NRG3: variants seen among roughly 807,000 people sequenced by gnomAD.
The protein encoded by NRG3 is pro-neuregulin-3, membrane-bound isoform.
A neutral mutation model predicts 66.9 loss-of-function variants in NRG3; 31 were observed. The observed-to-expected ratio is 0.46, with a 90% confidence interval of 0.35 to 0.63. The LOEUF (loss-of-function observed/expected upper bound fraction) is 0.63. Among genes scored for constraint, NRG3 ranks in the 20% least tolerant of loss-of-function variants. The pLI is 0.00. For synonymous variants in NRG3, 393 were observed against 359.4 expected (o/e 1.09, Z -1.06); for missense variants, 910 against 878.9 (o/e 1.04, Z -0.45).
chr10:82,259,242 T>A (rs1167535422), intron 1 of NRG3, among the ~76,000 whole-genome samples: 1 of 152,144 alleles, frequency 6.6e-6, no homozygotes, highest in Non-Finnish European at 1.5e-5. Flanking sequence ...CATTTAAAAC[T>A]GAAAATCAAT....
At chr10:82,729,710 T>G (rs1337672884) in intron 2 of NRG3, among the ~76,000 whole-genome samples, 1 of 152,156 alleles carries the variant, frequency 6.6e-6, no homozygotes, top group Non-Finnish European at 1.5e-5. Context: ...CAAGAACAAA[T>G]GTGTCATAAT....
rs572750667 is a variant in NRG3, at chr10:81,979,183, G to A, written c.823+103020G>A. Among the ~76,000 whole-genome samples, 782 of 96,270 alleles carry A rather than the reference G, an allele frequency of 8.1e-3. 6 individuals carry two copies. Among genetic ancestry groups the A allele is most frequent in the African/African-American group, 0.04 (721 of 18,150 alleles). The allele number at this position is 96,270 out of a possible 152,430, so 63.2% of individuals were successfully genotyped here. A position where few individuals can be genotyped will look rare whatever the true frequency, so the allele number is the denominator to read the frequency against. On this transcript the variant is annotated intron_variant, in intron 1 of 8. Transcript: ENST00000372141. The stretch of plus-strand genomic sequence containing the variant: ...CAGCCTGGCGACAGGGCGGGACTCC[G>A]TCTCAAAAAAAAAAAAAAAAAAAAA...
At chr10:82,399,552 C>A (rs912948205) in intron 2 of NRG3, among the ~76,000 whole-genome samples, 1 of 152,192 alleles carries the variant, frequency 6.6e-6, no homozygotes, top group African/African-American at 2.4e-5. Flanking sequence ...TGGCCTGGTT[C>A]TGGTGAGGGT....
chr10:81,957,412 C>T (rs1051878212), intron 1 of NRG3, among the ~76,000 whole-genome samples: 3 of 152,128 alleles, frequency 2.0e-5, no homozygotes, highest in African/African-American at 7.2e-5. Context: ...CATCATGACT[C>T]TGCCCCCCAT....
chr10:82,325,109 T>A (rs2135192755), intron 1 of NRG3, among the ~76,000 whole-genome samples: 1 of 152,338 alleles, frequency 6.6e-6, no homozygotes, highest in Non-Finnish European at 1.5e-5. Flanking sequence ...TAGATATTTA[T>A]CATTGTTATG....
At chr10:81,957,462 G>T (rs758189155) in intron 1 of NRG3, among the ~76,000 whole-genome samples, 1 of 151,770 alleles carries the variant, frequency 6.6e-6, no homozygotes, top group Non-Finnish European at 1.5e-5. Flanking sequence ...ACCCCCACAC[G>T]AATTTATACT....
At chr10:82,880,854 G>T (rs1842239590) in intron 4 of NRG3, among the ~76,000 whole-genome samples, 1 of 152,188 alleles carries the variant, frequency 6.6e-6, no homozygotes, top group Non-Finnish European at 1.5e-5. Flanking sequence ...AGCCATTTTT[G>T]AGTATTTTAT....
At chr10:82,796,345 T>C (rs1231015186) in intron 3 of NRG3, among the ~76,000 whole-genome samples, 2 of 152,164 alleles carry the variant, frequency 1.3e-5, no homozygotes, top group Non-Finnish European at 2.9e-5. Flanking sequence ...CAGCTCCTAT[T>C]GGAAGCCTGT....
chr10:82,247,302 G>A (rs1351235038), intron 1 of NRG3, among the ~76,000 whole-genome samples: 1 of 152,190 alleles, frequency 6.6e-6, no homozygotes, highest in Non-Finnish European at 1.5e-5. Context: ...TGGAAGCTGG[G>A]AAATTTGAGA....
Position 82,008,159 on chromosome 10 carries a change from G to A in NRG3, c.823+131996G>A, listed in dbSNP as rs368488734. Among the ~76,000 whole-genome samples, 96 of 152,256 alleles carry A rather than the reference G, an allele frequency of 6.3e-4. 1 individual carries two copies. Among genetic ancestry groups the A allele is most frequent in the African/African-American group, 2.2e-3 (90 of 41,562 alleles). On this transcript the variant is annotated intron_variant, in intron 1 of 8. Transcript: ENST00000372141. ...TGCATTATATAGAAAATTACATAAT[G>A]GTTATTTCCTTACAATCCGATGGTT...
At chr10:82,795,963 T>C (rs2060784004) in intron 3 of NRG3, among the ~76,000 whole-genome samples, 1 of 152,148 alleles carries the variant, frequency 6.6e-6, no homozygotes, top group African/African-American at 2.4e-5. Flanking sequence ...AGAAGGTCGT[T>C]CCTTTAACTC....
chr10:82,253,064 C>T (rs181187263), intron 1 of NRG3, among the ~76,000 whole-genome samples: 15 of 152,318 alleles, frequency 9.8e-5, no homozygotes, highest in Middle Eastern at 3.4e-3. Context: ...TTCTTCGCTT[C>T]GTCTAAGCCA....
intron 2 of NRG3, among the ~76,000 whole-genome samples, chr10:82,390,105 A>T (rs1189012191): frequency 1.3e-5 from 2 of 152,182 alleles, no homozygotes; most frequent in African/African-American, 4.8e-5. Flanking sequence ...TGGGAATAAA[A>T]CAAGAGTACA....
At chr10:82,627,514 A>G (rs1345578775) in intron 2 of NRG3, among the ~76,000 whole-genome samples, 1 of 152,174 alleles carries the variant, frequency 6.6e-6, no homozygotes, top group African/African-American at 2.4e-5. Context: ...ATAACCTCAA[A>G]TAATTCAAAG....
At chr10:82,615,566 G>T (rs2048594957) in intron 2 of NRG3, among the ~76,000 whole-genome samples, 1 of 152,040 alleles carries the variant, frequency 6.6e-6, no homozygotes, top group East Asian at 1.9e-4. Context: ...AAATCATGTA[G>T]CTTATTCTAA....
At chr10:81,962,806 A>T (rs1177571374) in intron 1 of NRG3, among the ~76,000 whole-genome samples, 4 of 152,102 alleles carry the variant, frequency 2.6e-5, no homozygotes, top group Non-Finnish European at 2.9e-5. Context: ...TTGCTCTCAC[A>T]TGGCATCCCA....
chr10:81,936,188 C>T (rs1167258685), intron 1 of NRG3, among the ~76,000 whole-genome samples: 2 of 152,022 alleles, frequency 1.3e-5, no homozygotes, highest in Non-Finnish European at 2.9e-5. Context: ...TGAGAACTGA[C>T]ATGTTAATAT....
At chr10:82,632,100 T>C (rs2049885472) in intron 2 of NRG3, among the ~76,000 whole-genome samples, 1 of 152,022 alleles carries the variant, frequency 6.6e-6, no homozygotes, top group Non-Finnish European at 1.5e-5. Context: ...CAAAACCCTG[T>C]CTCAAAAATT....
intron 2 of NRG3, among the ~76,000 whole-genome samples, chr10:82,452,980 G>T (rs2091091536): frequency 6.6e-6 from 1 of 152,060 alleles, no homozygotes; most frequent in African/African-American, 2.4e-5. Context: ...GTAGTCCCTG[G>T]CTCAGGGGAT....
Sources: allele counts gnomAD v4.1 joint callset (sites outside exome capture counted in the v4.1 genomes callset), GRCh38; gene constraint gnomAD v4.1.1; transcripts MANE v1.5; gene names NCBI Gene and HGNC (gene_info 2026-07-23, HGNC 2026-07-21).